TRIM4: variants seen among roughly 807,000 people sequenced by gnomAD.
The protein encoded by TRIM4 is tripartite motif containing 4.
TRIM4 carries 29 observed loss-of-function variants against 33.7 expected under a neutral mutation model. The observed-to-expected ratio is 0.86, with a 90% CI of 0.64 to 1.17. TRIM4 has a LOEUF of 1.17. Among genes scored for constraint, TRIM4 ranks in the 50% most tolerant of loss-of-function variants. The pLI is 0.00. For missense variants in TRIM4, 554 were observed against 593.7 expected (o/e 0.93, Z 0.69); for synonymous variants, 224 against 233.0 (o/e 0.96, Z 0.35).
rs773850068 is a variant in TRIM4 at position 99,892,741 on chromosome 7, C to T, written c.847G>A (p.Val283Ile). The T allele has an allele frequency of 1.2e-6, 2 of 1,610,472 alleles. No individual in the cohort carries two copies. Among genetic ancestry groups the T allele is most frequent in the Non-Finnish European group, 1.7e-6 (2 of 1,178,830 alleles). Residue 283 changes from valine to isoleucine, a missense_variant, in exon 6 of 6, where the codon GTA becomes ATA. This residue lies in a region of TRIM4 where 290 missense variants were observed against 335.8 expected (regional missense o/e 0.86). Transcript: ENST00000349062. ...TGAGCTGTGTCTTCAGCTAGGTTTA[C>T]AGCCACTGTGGAGAAAATGAGAGCT... ...KEMLKRFQVAVNLAEDTAHPK... is the reference protein window; with the variant it reads ...KEMLKRFQVAINLAEDTAHPK...
chr7:99,909,323 A>T (rs956192263), intron 2 of TRIM4, among the ~76,000 whole-genome samples: 8 of 152,156 alleles, frequency 5.3e-5, no homozygotes, highest in African/African-American at 1.7e-4. Flanking sequence ...ACCCAAAGCC[A>T]CTAGCAGCAG....
chr7:99,894,666 C>A (rs1016684432), intron 5 of TRIM4, among the ~76,000 whole-genome samples: 3 of 147,892 alleles, frequency 2.0e-5, no homozygotes, highest in Non-Finnish European at 4.5e-5. Context: ...GACTCCATCC[C>A]CCCCCCAAAA....
intron 5 of TRIM4, among the ~76,000 whole-genome samples, chr7:99,893,967 CT>C (rs74857142): frequency 0.021 from 2,885 of 136,980 alleles, 35 homozygotes; most frequent in Non-Finnish European, 0.03. Context: ...CATGGTTTTC[CT>C]TTTTTTTTTT....
intron 5 of TRIM4, among the ~76,000 whole-genome samples, chr7:99,893,370 C>CAT (rs71108462): frequency 0.58 from 88,331 of 151,862 alleles, 27,407 homozygotes; most frequent in African/African-American, 0.81. Context: ...CAAATTCTCA[C>CAT]GTTGAATCAA....
intron 2 of TRIM4, 82 bp downstream of exon 2, chr7:99,909,483 C>T: frequency 7.4e-6 from 9 of 1,221,970 alleles, no homozygotes; most frequent in Non-Finnish European, 1.1e-5. Flanking sequence ...AACCCCATGA[C>T]CAAAAGGACC....
At position 99,892,072 on chromosome 7, in the gene TRIM4, GA is replaced by G. The variant is rs1818902817; in HGVS notation, c.*90del. On this transcript the variant is annotated 3_prime_UTR_variant, in exon 6 of 6. Transcript: ENST00000349062. ...GAGACCCAGAAGATGGACCATCCAG[GA>G]TAGAGACATGAAGGGCAGAAGAGGG... The G allele has an allele frequency of 8.6e-6, 10 of 1,164,756 alleles. No individual in the cohort carries two copies. In the South Asian group the frequency reaches 1.5e-4, roughly 18 times the overall value. The allele number at this position is 1,164,756 out of a possible 1,614,324, so 72.2% of individuals were successfully genotyped here.
intron 5 of TRIM4, among the ~76,000 whole-genome samples, chr7:99,900,267 T>C (rs970859981): frequency 6.6e-6 from 1 of 152,156 alleles, no homozygotes; most frequent in Non-Finnish European, 1.5e-5. Context: ...TAGAAATCCA[T>C]CAGAAAGGTC....
At chr7:99,905,824 C>T (rs533081115) in intron 3 of TRIM4, among the ~76,000 whole-genome samples, 6 of 152,252 alleles carry the variant, frequency 3.9e-5, no homozygotes, top group South Asian at 2.1e-4. Context: ...CGAAAGAGTG[C>T]GTCCTGAAAG....
chr7:99,915,556 CATCT>C (rs1184582086), intron 1 of TRIM4, among the ~76,000 whole-genome samples: 6 of 152,288 alleles, frequency 3.9e-5, no homozygotes, highest in East Asian at 1.9e-4. Flanking sequence ...ACAGTCCATC[CATCT>C]GAGTATATGC....
Position 99,919,180 on chromosome 7 carries a change from C to A in TRIM4, c.222G>T (p.Thr74=). The change falls in exon 1 of 6, where the codon ACG becomes ACT. Residue 74 remains threonine (T), a synonymous_variant. Coordinates refer to ENST00000349062, the MANE Select transcript of TRIM4 (RefSeq NM_033091.3). ...NWALARLTEK[T]QRRRLGPVPP... is the part of the protein sequence containing the mutation. ...GCACGGGGCCCAGGCGCCGGCGCTG[C>A]GTCTTCTCAGTCAGCCTGGCCAGGG... 6.8e-7 allele frequency: 1 copy of A among 1,475,044 alleles called. No homozygotes were observed. Among genetic ancestry groups the A allele is most frequent in the Non-Finnish European group, 9.0e-7 (1 of 1,115,008 alleles). 91.4% of individuals were successfully genotyped at this position (1,475,044 alleles called of 1,614,324 possible).
chr7:99,909,089 C>T (rs956481029), intron 2 of TRIM4, among the ~76,000 whole-genome samples: 1 of 151,742 alleles, frequency 6.6e-6, no homozygotes, highest in African/African-American at 2.4e-5. Flanking sequence ...CTTAGTTTAG[C>T]CTTCAGAACT....
chr7:99,903,529 T>G (rs758909062), intron 4 of TRIM4, 47 bp downstream of exon 4: 2 of 1,612,776 alleles, frequency 1.2e-6, no homozygotes, highest in African/African-American at 2.7e-5. Flanking sequence ...TCAGCCTGTA[T>G]CTTTACCATG....
chr7:99,913,474 C>G (rs1212009964), intron 1 of TRIM4, among the ~76,000 whole-genome samples: 1 of 152,102 alleles, frequency 6.6e-6, no homozygotes, highest in Admixed American at 6.5e-5. Flanking sequence ...CCAGAGCAGC[C>G]TGACCAACAT....
rs190325613 is a variant in TRIM4, at chr7:99,902,089, G to A, written c.841+1129C>T. ...TGTTTCACATTTCTCAGGAATCACC[G>A]TCCTTCACTGCCTGACGTCTGGTGC... On this transcript the variant is annotated intron_variant, in intron 5 of 5. Coordinates refer to ENST00000349062, the MANE Select transcript of TRIM4 (RefSeq NM_033091.3). The A allele has an allele frequency of 3.3e-5, 25 of 764,988 alleles. No homozygotes were observed. In the Middle Eastern group the frequency reaches 6.8e-4, roughly 21 times the overall value. The allele number at this position is 764,988 out of a possible 1,614,324, so 47.4% of individuals were successfully genotyped here.
At chr7:99,917,782 T>C in intron 1 of TRIM4, 1 of 980,746 alleles carries the variant, frequency 1.0e-6, no homozygotes, top group Non-Finnish European at 1.2e-6. Flanking sequence ...TGCATATCAA[T>C]TCTGCTGGAG....
chr7:99,903,381 A>T lies in TRIM4; in HGVS notation c.744-66T>A, dbSNP rs1470814109. On this transcript the variant is annotated intron_variant, in intron 4 of 5. Transcript: ENST00000349062. ...GTAGCCAAGACCTCCACTCCCGGTC[A>T]AAGGTTCTTAGCCCAAAGTTCAGAT... 5 of 1,406,406 alleles carry T rather than the reference A, an allele frequency of 3.6e-6. No homozygotes were observed. The East Asian group carries it at 1.1e-4, about 32-fold the overall frequency. The allele number at this position is 1,406,406 out of a possible 1,614,324, so 87.1% of individuals were successfully genotyped here. A position where few individuals can be genotyped will look rare whatever the true frequency, so the allele number is the denominator to read the frequency against.
At chr7:99,893,128 A>T (rs1818935102) in intron 5 of TRIM4, among the ~76,000 whole-genome samples, 1 of 152,148 alleles carries the variant, frequency 6.6e-6, no homozygotes, top group Non-Finnish European at 1.5e-5. Flanking sequence ...CTGGCCCGGC[A>T]TGATGGTGGG....
In TRIM4 at chr7:99,892,495, C is replaced by T. The variant is rs1818915588; in HGVS notation, c.1093G>A (p.Glu365Lys). ...TCCCGACACACCCCAACAGCAACCT[C>T]CAGACTATCTCTACTCTCAACTTCC... ...YWEVESRDSL[E>K]VAVGVCREDV... The change falls in exon 6 of 6, where the codon GAG becomes AAG. Residue 365 changes from glutamate to lysine, a missense_variant. By Grantham distance (56) the Glu-to-Lys change is moderately conservative. Coordinates refer to ENST00000349062, the MANE Select transcript of TRIM4 (RefSeq NM_033091.3). The T allele has an allele frequency of 6.2e-7, 1 of 1,614,054 alleles. No homozygotes were observed. The highest frequency in any genetic ancestry group is 8.5e-7 in the Non-Finnish European group (1 of 1,180,034).
chr7:99,912,100 G>T (rs1040771671), intron 1 of TRIM4, among the ~76,000 whole-genome samples: 1 of 152,134 alleles, frequency 6.6e-6, no homozygotes, highest in Non-Finnish European at 1.5e-5. Context: ...TAGGGGAAGG[G>T]TGCAGAGAAT....
Sources: gnomAD v4.1 joint callset for allele counts (sites outside exome capture counted in the v4.1 genomes callset) on GRCh38, gnomAD v4.1.1 for gene constraint, gnomAD v4.1.1 regional missense constraint, MANE v1.5 for transcripts, NCBI Gene and HGNC (gene_info 2026-07-23, HGNC 2026-07-21) for gene names.